The following LMNTD1 variants were observed in gnomAD, a reference collection of about 807,000 sequenced individuals.
LMNTD1 encodes the protein lamin tail domain containing 1.
LMNTD1 carries 35 observed loss-of-function variants against 50.9 expected under a neutral mutation model. That is an observed-to-expected ratio of 0.69 (90% CI 0.53 to 0.91). The LOEUF (loss-of-function observed/expected upper bound fraction) is 0.91. Ranked by LOEUF, LMNTD1 falls within the 40% of genes least tolerant of loss-of-function variation. LMNTD1 has a pLI of 0.00. For missense variants in LMNTD1, 470 were observed against 475.5 expected (o/e 0.99, Z 0.11); for synonymous variants, 153 against 161.9 (o/e 0.94, Z 0.42).
At chr12:25,625,648 C>A (rs1218347421) in intron 1 of LMNTD1, among the ~76,000 whole-genome samples, 4 of 152,204 alleles carry the variant, frequency 2.6e-5, no homozygotes, top group African/African-American at 9.6e-5. Flanking sequence ...TTCAGACTCC[C>A]CGGCTTACTA....
At chr12:25,553,343 C>T, upstream of LMNTD1, 1 of 995,068 alleles carries the variant, frequency 1.0e-6, no homozygotes, top group Non-Finnish European at 1.3e-6. Flanking sequence ...TCCATAGTAA[C>T]CAAGTTCCAG....
chr12:25,482,328 C>A (rs952678675), intron 9 of LMNTD1, among the ~76,000 whole-genome samples: 7 of 151,922 alleles, frequency 4.6e-5, no homozygotes. Context: ...AATTTTACAT[C>A]CCCCAGTAAC....
chr12:25,515,764 C>T (rs1318541479), intron 8 of LMNTD1, among the ~76,000 whole-genome samples: 1 of 152,022 alleles, frequency 6.6e-6, no homozygotes, highest in Non-Finnish European at 1.5e-5. Flanking sequence ...CTCTAGGCTC[C>T]TCTGTAGCAT....
At chr12:25,590,692 G>A (rs935249448) in intron 1 of LMNTD1, among the ~76,000 whole-genome samples, 9 of 152,278 alleles carry the variant, frequency 5.9e-5, no homozygotes, top group Non-Finnish European at 8.8e-5. Context: ...GACTTTGTCT[G>A]GCATCTTGAA....
chr12:25,550,478 A>C (rs957182644), intron 2 of LMNTD1, among the ~76,000 whole-genome samples: 4 of 152,192 alleles, frequency 2.6e-5, no homozygotes, highest in African/African-American at 4.8e-5. Flanking sequence ...TTCTCTGAAA[A>C]ATGAGACAAA....
At position 25,597,374 on chromosome 12, in the gene LMNTD1, T is replaced by C. The variant is rs1029741991; in HGVS notation, c.59-50820A>G. Reference sequence around the variant, plus strand: ...AGAGCTATATTTATATCAGAAAAAATAGATTGCAAGACAAAATCTATAAGA... The same window carrying C: ...AGAGCTATATTTATATCAGAAAAAACAGATTGCAAGACAAAATCTATAAGA... On this transcript the variant is annotated intron_variant, in intron 1 of 7. Coordinates refer to the LMNTD1 transcript ENST00000445693. 3.3e-5 allele frequency among the ~76,000 whole-genome samples: 5 copies of C among 151,852 alleles called. No individual in the cohort carries two copies. The East Asian group carries it at 7.7e-4, about 23-fold the overall frequency.
rs1943878330 is a variant in LMNTD1 at position 25,553,236 on chromosome 12, AAGC to A, written c.-201_-199del. On this transcript the variant is annotated 5_prime_UTR_variant, in exon 1 of 10. Transcript: ENST00000458174. The stretch of plus-strand genomic sequence containing the variant: ...GGTGCAGGTGTGTAGCATTCACTGG[AAGC>A]AGCTTGAGAGGGCAGTAACTTGGCA... 2.0e-6 allele frequency: 3 copies of A among 1,488,298 alleles called. No individual in the cohort carries two copies. In the African/African-American group the frequency reaches 4.2e-5, roughly 21 times the overall value. The allele number at this position is 1,488,298 out of a possible 1,614,324, so 92.2% of individuals were successfully genotyped here.
At chr12:25,642,519 G>A (rs180906493) in intron 1 of LMNTD1, among the ~76,000 whole-genome samples, 19 of 152,208 alleles carry the variant, frequency 1.2e-4, no homozygotes, top group Middle Eastern at 3.4e-3. Context: ...AATGTTTGTC[G>A]TTTAATCCTT....
rs558072220 is a variant in LMNTD1, at chr12:25,526,732, C to G, written c.678+37G>C. The G allele has an allele frequency of 2.1e-6, 3 of 1,433,136 alleles. No homozygotes were observed. The South Asian group carries it at 4.1e-5, about 19-fold the overall frequency. 88.8% of individuals were successfully genotyped at this position (1,433,136 alleles called of 1,614,324 possible). A position where few individuals can be genotyped will look rare whatever the true frequency, so the allele number is the denominator to read the frequency against. ...TCAGTGTCAACAAGTTTGTCCTGTA[C>G]AATTCTAATGTACAGTATTTATACT... is the stretch of plus-strand genomic sequence containing the variant. On this transcript the variant is annotated intron_variant, in intron 5 of 9. Transcript: ENST00000458174.
At chr12:25,626,149 G>A (rs1195032211) in intron 1 of LMNTD1, among the ~76,000 whole-genome samples, 1 of 152,138 alleles carries the variant, frequency 6.6e-6, no homozygotes, top group East Asian at 1.9e-4. Flanking sequence ...CAGAAAAACA[G>A]CTATTCGATT....
At chr12:25,566,450 G>A (rs1305729437) in intron 1 of LMNTD1, among the ~76,000 whole-genome samples, 2 of 152,166 alleles carry the variant, frequency 1.3e-5, no homozygotes, top group Admixed American at 1.3e-4. Context: ...TTTGTATAAC[G>A]ACTTCTTTTC....
rs750668939 is a variant in LMNTD1 at position 25,549,554 on chromosome 12, CAA to C, written c.90-10_90-9del. On this transcript the variant is annotated splice_polypyrimidine_tract_variant and intron_variant, in intron 2 of 9. Coordinates refer to ENST00000458174, the MANE Select transcript of LMNTD1 (RefSeq NM_001145728.2). ...CCAAGTTTGTCTTCTCTTCTGTGTA[CAA>C]AAAATATAATATAAATAAATAAATA... is the stretch of plus-strand genomic sequence containing the variant. 8 of 1,453,156 alleles carry C rather than the reference CAA, an allele frequency of 5.5e-6. No individual in the cohort carries two copies. The African/African-American group carries it at 7.1e-5, about 13-fold the overall frequency. The allele number at this position is 1,453,156 out of a possible 1,614,324, so 90.0% of individuals were successfully genotyped here. A position where few individuals can be genotyped will look rare whatever the true frequency, so the allele number is the denominator to read the frequency against.
intron 6 of LMNTD1, among the ~76,000 whole-genome samples, chr12:25,524,638 T>G (rs1308556994): frequency 1.3e-5 from 2 of 149,186 alleles, no homozygotes; most frequent in African/African-American, 2.6e-5. Context: ...AGTGGATAAC[T>G]ATGATGAAAG....
chr12:25,626,784 T>C (rs1946599362), intron 1 of LMNTD1, among the ~76,000 whole-genome samples: 1 of 152,166 alleles, frequency 6.6e-6, no homozygotes, highest in Admixed American at 6.5e-5. Context: ...AGAATAAACA[T>C]AAAGATTGCT....
intron 1 of LMNTD1, among the ~76,000 whole-genome samples, chr12:25,597,156 A>G (rs1945860078): frequency 1.3e-5 from 2 of 152,118 alleles, no homozygotes; most frequent in African/African-American, 4.8e-5. Flanking sequence ...AAGACCACAA[A>G]AAAACCCCAC....
At chr12:25,591,046 A>G (rs1945680123) in intron 1 of LMNTD1, among the ~76,000 whole-genome samples, 1 of 152,140 alleles carries the variant, frequency 6.6e-6, no homozygotes, top group Non-Finnish European at 1.5e-5. Context: ...GTGAAGGGAA[A>G]AGCAAAGGAG....
At chr12:25,632,691 C>CTTTTTGAAACACA (rs1946746678) in intron 1 of LMNTD1, among the ~76,000 whole-genome samples, 1 of 152,104 alleles carries the variant, frequency 6.6e-6, no homozygotes, top group Non-Finnish European at 1.5e-5. Flanking sequence ...AAAACAGAAT[C>CTTTTTGAAACACA]TCTTTAAAGC....
intron 9 of LMNTD1, among the ~76,000 whole-genome samples, chr12:25,485,589 G>A (rs1205424868): frequency 7.1e-6 from 1 of 140,280 alleles, no homozygotes; most frequent in Non-Finnish European, 1.5e-5. Context: ...CCATGCCTAT[G>A]TCCTGAATGG....
At chr12:25,552,271 G>A (rs1943793274) in intron 2 of LMNTD1, among the ~76,000 whole-genome samples, 1 of 151,980 alleles carries the variant, frequency 6.6e-6, no homozygotes, top group African/African-American at 2.4e-5. Context: ...CCCCAGTTCT[G>A]TAAAATAGTT....
Sources: allele counts gnomAD v4.1 joint callset (sites outside exome capture counted in the v4.1 genomes callset), GRCh38; gene constraint gnomAD v4.1.1; transcripts MANE v1.5; gene names NCBI Gene and HGNC (gene_info 2026-07-23, HGNC 2026-07-21).